The following ZPBP variants were observed in gnomAD, a reference collection of about 807,000 sequenced individuals.
The protein encoded by ZPBP is zona pellucida-binding protein 1.
In ZPBP, 26 loss-of-function variants were observed where a neutral mutation model predicts 44.8. That is an observed-to-expected ratio of 0.58 (90% CI 0.43 to 0.81). The LOEUF (loss-of-function observed/expected upper bound fraction) is 0.81. ZPBP is among the 30% of genes least tolerant of loss of function. The pLI is 0.00. For missense variants in ZPBP, 409 were observed against 434.0 expected, an observed-to-expected ratio of 0.94 and a Z score of 0.51; for synonymous variants, 174 against 153.2, an observed-to-expected ratio of 1.14 and a Z score of -1.00.
intron 2 of ZPBP, among the ~76,000 whole-genome samples, chr7:49,872,421 T>C (rs1791196041): frequency 6.6e-6 from 1 of 152,062 alleles, no homozygotes; most frequent in South Asian, 2.1e-4. Context: ...GATCACTACC[T>C]CATAGTATAT....
intron 1 of ZPBP, among the ~76,000 whole-genome samples, chr7:49,903,900 G>A (rs1562764630): frequency 6.6e-6 from 1 of 152,102 alleles, no homozygotes; most frequent in Non-Finnish European, 1.5e-5. Context: ...AGATGCGCTG[G>A]ATTTTATATT....
chr7:49,905,794 A>G (rs1219193510), intron 1 of ZPBP, among the ~76,000 whole-genome samples: 3 of 152,208 alleles, frequency 2.0e-5, no homozygotes, highest in African/African-American at 4.8e-5. Flanking sequence ...CTCAAGAAAC[A>G]GGTCATAAAG....
intron 3 of ZPBP, among the ~76,000 whole-genome samples, chr7:50,066,543 G>C (rs77860073): frequency 6.6e-6 from 1 of 152,154 alleles, no homozygotes; most frequent in Non-Finnish European, 1.5e-5. Context: ...AAACATTAGC[G>C]TAGGTAATAG....
At chr7:49,882,548 C>T (rs1416601706) in intron 2 of ZPBP, among the ~76,000 whole-genome samples, 4 of 151,624 alleles carry the variant, frequency 2.6e-5, no homozygotes, top group Non-Finnish European at 5.9e-5. Context: ...GAGAGAGAGA[C>T]AGAGAGAGAC....
At chr7:49,912,085 A>C in intron 1 of ZPBP, 1 of 1,614,180 alleles carries the variant, frequency 6.2e-7, no homozygotes, top group Non-Finnish European at 8.5e-7. Context: ...AGAGAAGTGA[A>C]GACTGACGAG....
intron 2 of ZPBP, among the ~76,000 whole-genome samples, chr7:50,085,955 G>A (rs1170446667): frequency 6.6e-6 from 1 of 152,096 alleles, no homozygotes; most frequent in African/African-American, 2.4e-5. Flanking sequence ...TGAAATTGAG[G>A]TTCTGCACGG....
At chr7:50,002,340 C>G (rs1013578640) in intron 6 of ZPBP, among the ~76,000 whole-genome samples, 2 of 152,090 alleles carry the variant, frequency 1.3e-5, no homozygotes, top group African/African-American at 4.8e-5. Flanking sequence ...CCTGGCCCTG[C>G]CCTTGACATG....
At chr7:50,016,713 C>T (rs1441207944) in intron 6 of ZPBP, among the ~76,000 whole-genome samples, 1 of 152,052 alleles carries the variant, frequency 6.6e-6, no homozygotes. Flanking sequence ...TATCCTAGCT[C>T]AGGGTCTGTG....
intron 2 of ZPBP, among the ~76,000 whole-genome samples, chr7:49,882,907 A>G (rs146740265): frequency 1.3e-3 from 196 of 151,470 alleles, no homozygotes; most frequent in African/African-American, 4.6e-3. Flanking sequence ...ATTTTCCTCT[A>G]TCTTAAACTC....
intron 1 of ZPBP, among the ~76,000 whole-genome samples, chr7:50,091,277 G>A (rs1802980146): frequency 6.6e-6 from 1 of 152,046 alleles, no homozygotes; most frequent in Non-Finnish European, 1.5e-5. Context: ...CCATTCTGTG[G>A]GTTGTCTGTT....
chr7:49,953,566 C>T (rs1043900341), intron 7 of ZPBP, among the ~76,000 whole-genome samples: 14 of 152,206 alleles, frequency 9.2e-5, no homozygotes, highest in African/African-American at 3.4e-4. Flanking sequence ...AATCAAACAG[C>T]TTCCAAGAAA....
At position 50,018,327 on chromosome 7, in the gene ZPBP, A is replaced by G. The variant is rs765229588; in HGVS notation, c.707-11T>C. ...TGTCTAGAGATGAAACTGAGAAAAT[A>G]TATTATATTTTATCATGGGTATAAT... On this transcript the variant is annotated splice_polypyrimidine_tract_variant and intron_variant, in intron 5 of 7. Coordinates refer to ENST00000046087, the MANE Select transcript of ZPBP (RefSeq NM_007009.3). 1 of 1,578,676 alleles carries G rather than the reference A, an allele frequency of 6.3e-7. No homozygotes were observed. Among genetic ancestry groups the G allele is most frequent in the Non-Finnish European group, 8.7e-7 (1 of 1,151,534 alleles).
chr7:49,875,088 T>C (rs1791341226), intron 2 of ZPBP, among the ~76,000 whole-genome samples: 1 of 151,672 alleles, frequency 6.6e-6, no homozygotes, highest in Non-Finnish European at 1.5e-5. Flanking sequence ...ATAGTAAAAA[T>C]TGGCCGGGCA....
rs372917767 is a variant in ZPBP at position 49,887,747 on chromosome 7, A to G, written n.509+13371T>C. On this transcript the variant is annotated intron_variant and non_coding_transcript_variant, in intron 2 of 2. Coordinates refer to the ZPBP transcript ENST00000465922. ...CTCCATTTGTTGAATTAGGAAGTCT[A>G]TACAACACCACACCAACCCATGGCA... Among the ~76,000 whole-genome samples the G allele has an allele frequency of 1.4e-4, 22 of 152,308 alleles. No individual in the cohort carries two copies. In the East Asian group the frequency reaches 2.5e-3, roughly 17 times the overall value.
At chr7:49,980,041 T>G (rs1343356422) in intron 7 of ZPBP, among the ~76,000 whole-genome samples, 3 of 11,564 alleles carry the variant, frequency 2.6e-4, no homozygotes, top group African/African-American at 1.2e-3. Context: ...TATATTATAA[T>G]ATATATAATA....
intron 4 of ZPBP, among the ~76,000 whole-genome samples, chr7:50,050,086 A>C (rs1800611852): frequency 6.6e-6 from 1 of 152,056 alleles, no homozygotes. Flanking sequence ...ATGTATATGC[A>C]AATGAAAGAA....
chr7:50,036,724 T>C (rs972465474), intron 4 of ZPBP, among the ~76,000 whole-genome samples: 2 of 152,100 alleles, frequency 1.3e-5, no homozygotes, highest in African/African-American at 4.8e-5. Flanking sequence ...GATGCAATTA[T>C]AGTAATAAAA....
chr7:49,925,493 C>T (rs1794202509), intron 1 of ZPBP, among the ~76,000 whole-genome samples: 1 of 152,228 alleles, frequency 6.6e-6, no homozygotes, highest in Non-Finnish European at 1.5e-5. Flanking sequence ...TCGCTCTATC[C>T]TGGCTGCTCC....
chr7:50,001,945 C>T (rs1009735270), intron 6 of ZPBP, among the ~76,000 whole-genome samples: 1 of 152,068 alleles, frequency 6.6e-6, no homozygotes, highest in Non-Finnish European at 1.5e-5. Flanking sequence ...TGCTCTGTCA[C>T]TCAGGCTGCA....
Sources: allele counts gnomAD v4.1 joint callset (sites outside exome capture counted in the v4.1 genomes callset), GRCh38; gene constraint gnomAD v4.1.1; transcripts MANE v1.5; gene names NCBI Gene and HGNC (gene_info 2026-07-23, HGNC 2026-07-21).